NCAPH2: variants seen among roughly 807,000 people sequenced by gnomAD.
The protein encoded by NCAPH2 is non-SMC condensin II complex subunit H2, also known as condensin-2 complex subunit H2.
A neutral mutation model predicts 88.6 loss-of-function variants in NCAPH2; 56 were observed. The observed-to-expected ratio is 0.63, with a 90% CI of 0.51 to 0.79. The LOEUF is 0.79. NCAPH2 is among the 30% of genes least tolerant of loss of function. The pLI is 0.00. For synonymous variants in NCAPH2, 378 were observed against 313.6 expected, an observed-to-expected ratio of 1.21 and a Z score of -2.17; for missense variants, 794 against 792.0, an observed-to-expected ratio of 1.00 and a Z score of -0.03.
At chr22:50,519,481 G>T in intron 9 of NCAPH2, 161 bp downstream of exon 9, 1 of 1,439,702 alleles carries the variant, frequency 6.9e-7, no homozygotes, top group Non-Finnish European at 9.1e-7. Flanking sequence ...CCTGCAACCA[G>T]CCCTTTTGAA....
chr22:50,517,384 G>T, intron 2 of NCAPH2, 43 bp from the exon 3 acceptor site: 1 of 1,606,986 alleles, frequency 6.2e-7, no homozygotes, highest in Non-Finnish European at 8.5e-7. Context: ...TTGGGGGTGG[G>T]CCCCTCCTTT....
intron 1 of NCAPH2, among the ~76,000 whole-genome samples, chr22:50,510,714 G>C (rs2068758889): frequency 6.6e-6 from 1 of 152,164 alleles, no homozygotes; most frequent in Non-Finnish European, 1.5e-5. Flanking sequence ...ACAGACGTGA[G>C]CCACCACGCC....
chr22:50,522,662 C>T lies in NCAPH2; in HGVS notation c.1376-9C>T. The T allele has an allele frequency of 6.2e-7, 1 of 1,613,726 alleles. No individual in the cohort carries two copies. Among genetic ancestry groups the T allele is most frequent in the Admixed American group, 1.7e-5 (1 of 60,010 alleles). The stretch of plus-strand genomic sequence containing the variant: ...CTTAGCTGCCCAGCTCACAGCTACC[C>T]CTTCCCAGACGCAGTGCCGATGTCC... On this transcript the variant is annotated splice_polypyrimidine_tract_variant and intron_variant, in intron 16 of 19. Transcript: ENST00000420993.
chr22:50,516,833 C>T (rs2068937695), intron 2 of NCAPH2, among the ~76,000 whole-genome samples: 1 of 152,252 alleles, frequency 6.6e-6, no homozygotes, highest in South Asian at 2.1e-4. Flanking sequence ...CTGCACCCAC[C>T]TTCCCCTTCC....
chr22:50,522,799 G>A (rs1463789587), intron 17 of NCAPH2, 22 bp from the exon 18 acceptor site: 1 of 1,612,760 alleles, frequency 6.2e-7, no homozygotes, highest in Admixed American at 1.7e-5. Context: ...GGAGGCAGTA[G>A]CTCCTGCTGA....
At chr22:50,510,638 G>A (rs751902794) in intron 1 of NCAPH2, among the ~76,000 whole-genome samples, 1 of 151,922 alleles carries the variant, frequency 6.6e-6, no homozygotes, top group Non-Finnish European at 1.5e-5. Flanking sequence ...CATTGGCCAG[G>A]CTGGTCTCAA....
At chr22:50,514,077 A>G (rs1186697647) in intron 1 of NCAPH2, among the ~76,000 whole-genome samples, 3 of 152,178 alleles carry the variant, frequency 2.0e-5, no homozygotes, top group East Asian at 1.9e-4. Context: ...CCTGCATTCC[A>G]GCTTGGGTGA....
chr22:50,508,692 T>G (rs2068697718), intron 1 of NCAPH2, among the ~76,000 whole-genome samples: 1 of 150,992 alleles, frequency 6.6e-6, no homozygotes, highest in Non-Finnish European at 1.5e-5. Flanking sequence ...CGTGAATGAT[T>G]GAGTGGGTGG....
At chr22:50,512,037 C>T (rs924875734) in intron 1 of NCAPH2, among the ~76,000 whole-genome samples, 3 of 152,212 alleles carry the variant, frequency 2.0e-5, no homozygotes, top group Non-Finnish European at 4.4e-5. Flanking sequence ...CCGCCCACCT[C>T]ATCCTTTGAA....
chr22:50,523,954 G>A lies in NCAPH2; in HGVS notation c.*579G>A, dbSNP rs1444438526. On this transcript the variant is annotated 3_prime_UTR_variant, in exon 20 of 20. Coordinates refer to ENST00000420993, the MANE Select transcript of NCAPH2 (RefSeq NM_152299.4). ...CTGCACTGGAGGCAAACCAGGCTCT[G>A]CTTCCAGCTGCCGCACCACCTGCAC... 5 of 1,612,434 alleles carry A rather than the reference G, an allele frequency of 3.1e-6. No homozygotes were observed. The highest frequency in any genetic ancestry group is 1.7e-5 in the Admixed American group (1 of 60,016).
chr22:50,524,283 A>G lies in NCAPH2; in HGVS notation c.*908A>G. The G allele has an allele frequency of 6.2e-7, 1 of 1,603,512 alleles. No individual in the cohort carries two copies. The highest frequency in any genetic ancestry group is 8.5e-7 in the Non-Finnish European group (1 of 1,179,774). ...GCTGGCCCTGCCCACCTGTCTCTGC[A>G]GGGCCCTGCCTTGACAAAAGCCAGG... is the stretch of plus-strand genomic sequence containing the variant. On this transcript the variant is annotated 3_prime_UTR_variant, in exon 20 of 20. Coordinates refer to ENST00000420993, the MANE Select transcript of NCAPH2 (RefSeq NM_152299.4).
chr22:50,518,437 C>T (rs761647900), intron 7 of NCAPH2, among the ~76,000 whole-genome samples, 159 bp downstream of exon 7: 1 of 152,126 alleles, frequency 6.6e-6, no homozygotes, highest in Non-Finnish European at 1.5e-5. Context: ...TCATCCCACC[C>T]ATCTGCTGTG....
chr22:50,521,119 C>A, intron 10 of NCAPH2, 83 bp downstream of exon 10: 1 of 1,468,484 alleles, frequency 6.8e-7, no homozygotes, highest in South Asian at 1.2e-5. Context: ...TGCTCTTGCT[C>A]CTGCTGGCCT....
At chr22:50,518,440 C>T (rs2068990790) in intron 7 of NCAPH2, among the ~76,000 whole-genome samples, 162 bp downstream of exon 7, 1 of 152,146 alleles carries the variant, frequency 6.6e-6, no homozygotes, top group Non-Finnish European at 1.5e-5. Context: ...TCCCACCCAT[C>T]TGCTGTGCCT....
chr22:50,524,191 GC>G lies in NCAPH2; in HGVS notation c.*820del. ...CTTCTCAGCCCTCAGGGCCAGCCAG[GC>G]CCCACCGAGTCCAGCCCCGAACAGG... On this transcript the variant is annotated 3_prime_UTR_variant, in exon 20 of 20. Coordinates refer to ENST00000420993, the MANE Select transcript of NCAPH2 (RefSeq NM_152299.4). 1 of 1,608,770 alleles carries G rather than the reference GC, an allele frequency of 6.2e-7. No individual in the cohort carries two copies. Among genetic ancestry groups the G allele is most frequent in the Non-Finnish European group, 8.5e-7 (1 of 1,179,916 alleles).
intron 9 of NCAPH2, chr22:50,519,909 C>T (rs747845439): frequency 4.3e-5 from 20 of 468,844 alleles, no homozygotes; most frequent in Non-Finnish European, 5.3e-5. Flanking sequence ...TTTGCTCTGT[C>T]CCCCAGGCTG....
rs377481946 is a variant in NCAPH2, at chr22:50,521,525, C to T, written c.934-18C>T. ...GCACCCCCTACTTCTCCAGCGCCTT[C>T]TTGTGCTCTGTGCCCAGGAGACTCC... On this transcript the variant is annotated intron_variant, in intron 10 of 19. Coordinates refer to ENST00000420993, the MANE Select transcript of NCAPH2 (RefSeq NM_152299.4). 2 of 1,613,370 alleles carry T rather than the reference C, an allele frequency of 1.2e-6. No individual in the cohort carries two copies. Among genetic ancestry groups the T allele is most frequent in the Middle Eastern group, 1.7e-4 (1 of 6,060 alleles).
chr22:50,512,516 A>G (rs546831273), intron 1 of NCAPH2, among the ~76,000 whole-genome samples: 1 of 136,460 alleles, frequency 7.3e-6, no homozygotes, highest in African/African-American at 2.6e-5. Flanking sequence ...CACTACCATG[A>G]TGTTCTTTTT....
chr22:50,519,801 C>T (rs1206406878), intron 9 of NCAPH2: 2 of 940,924 alleles, frequency 2.1e-6, no homozygotes, highest in South Asian at 4.9e-5. Flanking sequence ...TGGTAGATGG[C>T]ATGGATATTT....
Sources: allele counts gnomAD v4.1 joint callset (sites outside exome capture counted in the v4.1 genomes callset), GRCh38; gene constraint gnomAD v4.1.1; transcripts MANE v1.5; gene names NCBI Gene and HGNC (gene_info 2026-07-23, HGNC 2026-07-21).